Variants in ANKFN1 observed in about 807,000 individuals in gnomAD.
The protein encoded by ANKFN1 is ankyrin repeat and fibronectin type III domain containing 1, also known as ankyrin repeat and fibronectin type-III domain-containing protein 1.
ANKFN1 carries 74 observed loss-of-function variants against 108.7 expected under a neutral mutation model. The observed-to-expected ratio is 0.68, with a 90% CI of 0.56 to 0.83. The LOEUF (loss-of-function observed/expected upper bound fraction) is 0.83. ANKFN1 is among the 40% of genes least tolerant of loss of function. ANKFN1 has a pLI of 0.00. For missense variants in ANKFN1, 1,505 were observed against 1,382.3 expected (o/e 1.09, Z -1.41); for synonymous variants, 547 against 516.2 (o/e 1.06, Z -0.81).
chr17:56,482,521 C>T lies in ANKFN1; in HGVS notation c.2257C>T (p.Leu753Phe). 6.2e-7 allele frequency: 1 copy of T among 1,612,602 alleles called. No individual in the cohort carries two copies. The highest frequency in any genetic ancestry group is 2.2e-5 in the East Asian group (1 of 44,856). The change falls in exon 18 of 21, where the codon CTT (leucine) becomes TTT (phenylalanine). Residue 753 changes from leucine to phenylalanine, a missense_variant. By Grantham distance (22) the Leu-to-Phe change is conservative (BLOSUM62 0). Transcript: ENST00000682825. ...TAACCTCCCTCTTCAGATGTTTGAA[C>T]TTGGTATAGTAGCTTGTTTCACCTA... is the stretch of plus-strand genomic sequence containing the variant. ...FLNLPLQMFE[L>F]VHFCSYREKF...
rs1053797239 is a variant in ANKFN1, at chr17:56,390,156, C to G, written c.910+15442C>G. Among the ~76,000 whole-genome samples the G allele has an allele frequency of 1.3e-5, 2 of 152,086 alleles. 1 individual carries two copies. The highest frequency in any genetic ancestry group is 4.2e-4 in the South Asian group (2 of 4,812). On this transcript the variant is annotated intron_variant, in intron 8 of 20. Coordinates refer to ENST00000682825, the MANE Select transcript of ANKFN1 (RefSeq NM_001370326.1). ...CAGCCCATCATCTAGGTTTTAAGCC[C>G]CACATGCATTACGTATTTGTCCTAT...
rs925597451 is a variant in ANKFN1 at position 56,405,331 on chromosome 17, T to A, written c.910+30617T>A. 2.6e-5 allele frequency among the ~76,000 whole-genome samples: 4 copies of A among 152,210 alleles called. No individual in the cohort carries two copies. In the East Asian group the frequency reaches 5.8e-4, roughly 22 times the overall value. On this transcript the variant is annotated intron_variant, in intron 8 of 20. Transcript: ENST00000682825. ...GCAAGAAATGCAACCTAAAACTAAC[T>A]TGAGGTATCACTTTTCACCTTTCAG... is the stretch of plus-strand genomic sequence containing the variant.
chr17:56,290,009 G>T (rs1224035691), intron 3 of ANKFN1, among the ~76,000 whole-genome samples: 3 of 152,124 alleles, frequency 2.0e-5, no homozygotes, highest in Non-Finnish European at 4.4e-5. Flanking sequence ...TAATCATGCT[G>T]CTAGTTAGTT....
At chr17:56,448,605 A>G (rs1317621052) in intron 10 of ANKFN1, among the ~76,000 whole-genome samples, 2 of 152,136 alleles carry the variant, frequency 1.3e-5, no homozygotes, top group African/African-American at 4.8e-5. Flanking sequence ...AGAAATGTCA[A>G]TTTGGCCAAA....
At position 56,457,929 on chromosome 17, in the gene ANKFN1, A is replaced by G; in HGVS notation, c.1507A>G (p.Thr503Ala). The G allele has an allele frequency of 1.2e-6, 2 of 1,614,086 alleles. No homozygotes were observed. The highest frequency in any genetic ancestry group is 1.7e-6 in the Non-Finnish European group (2 of 1,179,996). Residue 503 changes from threonine to alanine, a missense_variant, in exon 14 of 21, where the codon ACA becomes GCA. Thr to Ala is a moderately conservative substitution (Grantham distance 58, BLOSUM62 0). Coordinates refer to ENST00000682825, the MANE Select transcript of ANKFN1 (RefSeq NM_001370326.1). ...CATACCAATATCCTCATCCTCATCC[A>G]CAGTGCTGCAAACTCGGCAGAAGAT... ...QSIPISSSSS[T>A]VLQTRQKMLA...
chr17:56,482,167 C>A (rs907304851), intron 17 of ANKFN1, among the ~76,000 whole-genome samples, 189 bp from the exon 18 acceptor site: 50 of 152,160 alleles, frequency 3.3e-4, no homozygotes, highest in African/African-American at 1.2e-3. Context: ...TTATGTGGAA[C>A]ATTACTGCCT....
chr17:56,274,286 A>G (rs1433532305), intron 3 of ANKFN1, among the ~76,000 whole-genome samples: 2 of 152,164 alleles, frequency 1.3e-5, no homozygotes, highest in South Asian at 2.1e-4. Context: ...ATCCTGGCTA[A>G]CATGGTGAAA....
chr17:56,076,723 A>G (rs949479307), intron 4 of ANKFN1, among the ~76,000 whole-genome samples: 18 of 152,322 alleles, frequency 1.2e-4, no homozygotes, highest in African/African-American at 4.3e-4. Context: ...TAACTTTTGT[A>G]ATGCAACCAG....
chr17:56,087,982 C>CTG lies in ANKFN1; in HGVS notation c.288+41667_288+41668dup, dbSNP rs1161997890. The stretch of plus-strand genomic sequence containing the variant: ...TGTGTATGTGTTTGTGTGTGTGTGT[C>CTG]TGTGTGTGTGTACATTTTACTGAGA... On this transcript the variant is annotated intron_variant, in intron 4 of 12. Transcript: ENST00000635860. Among the ~76,000 whole-genome samples the CTG allele has an allele frequency of 8.0e-5, 12 of 150,612 alleles. No homozygotes were observed. The East Asian group carries it at 1.2e-3, about 15-fold the overall frequency.
At chr17:56,207,647 A>G (rs1301720188) in intron 1 of ANKFN1, among the ~76,000 whole-genome samples, 1 of 151,526 alleles carries the variant, frequency 6.6e-6, no homozygotes, top group Non-Finnish European at 1.5e-5. Flanking sequence ...TTTCAGACAA[A>G]CTCAGCTGTT....
rs552343548 is a variant in ANKFN1, at chr17:56,394,522, G to A, written c.910+19808G>A. On this transcript the variant is annotated intron_variant, in intron 8 of 20. Coordinates refer to ENST00000682825, the MANE Select transcript of ANKFN1 (RefSeq NM_001370326.1). ...GCCTGCCAGTGGAGATTTAACAGTG[G>A]AGTAGTGCATAGTGACTTGCCAAGT... 1.8e-3 allele frequency among the ~76,000 whole-genome samples: 276 copies of A among 152,242 alleles called. 2 individuals carry two copies. The highest frequency in any genetic ancestry group is 3.0e-3 in the Non-Finnish European group (204 of 68,018).
intron 10 of ANKFN1, among the ~76,000 whole-genome samples, 183 bp from the exon 11 acceptor site, chr17:56,448,896 C>A (rs900551405): frequency 1.3e-5 from 2 of 152,172 alleles, no homozygotes; most frequent in African/African-American, 4.8e-5. Context: ...TACTGTTTTG[C>A]ACAGAGCTCT....
intron 7 of ANKFN1, among the ~76,000 whole-genome samples, chr17:56,374,391 G>GAAAATGT (rs1318577771): frequency 1.3e-5 from 2 of 152,142 alleles, no homozygotes; most frequent in Non-Finnish European, 2.9e-5. Flanking sequence ...TACCTTTTCA[G>GAAAATGT]AAAATGTTCT....
At chr17:56,105,313 G>A (rs1227934788) in intron 4 of ANKFN1, among the ~76,000 whole-genome samples, 3 of 152,088 alleles carry the variant, frequency 2.0e-5, no homozygotes, top group African/African-American at 7.2e-5. Context: ...CAGAGGACGA[G>A]GTGGAATGCA....
intron 4 of ANKFN1, among the ~76,000 whole-genome samples, chr17:56,072,620 A>G (rs1208383478): frequency 6.6e-6 from 1 of 152,176 alleles, no homozygotes; most frequent in Admixed American, 6.5e-5. Context: ...TATATGAAAT[A>G]TATGTACTCT....
At chr17:56,203,632 T>C (rs1399100585) in intron 1 of ANKFN1, among the ~76,000 whole-genome samples, 1 of 152,214 alleles carries the variant, frequency 6.6e-6, no homozygotes, top group Non-Finnish European at 1.5e-5. Context: ...ATGAATGAGC[T>C]GTCAAGGAAG....
chr17:56,440,372 T>A lies in ANKFN1; in HGVS notation c.956T>A (p.Ile319Asn). 2.5e-6 allele frequency: 4 copies of A among 1,612,896 alleles called. No homozygotes were observed. Among genetic ancestry groups the A allele is most frequent in the Non-Finnish European group, 3.4e-6 (4 of 1,179,222 alleles). Residue 319 changes from isoleucine (I) to asparagine (N), a missense_variant, in exon 9 of 21, where the codon ATC (isoleucine) becomes AAC (asparagine). Transcript: ENST00000682825. Reference sequence around the variant, plus strand: ...GACTTTTCTCCTTTGGCTGGAGAAATCATCATGGATAATCTGCAGACTCTG... The same window carrying A: ...GACTTTTCTCCTTTGGCTGGAGAAAACATCATGGATAATCTGCAGACTCTG... ...SEDFSPLAGE[I>N]IMDNLQTLRC...
intron 4 of ANKFN1, among the ~76,000 whole-genome samples, chr17:56,339,087 TG>T (rs1316290178): frequency 6.6e-6 from 1 of 152,170 alleles, no homozygotes; most frequent in Non-Finnish European, 1.5e-5. Context: ...TTGTATTTTC[TG>T]AAAATTAGTT....
chr17:56,450,005 G>A (rs936432198), intron 11 of ANKFN1, among the ~76,000 whole-genome samples: 3 of 152,184 alleles, frequency 2.0e-5, no homozygotes, highest in Admixed American at 6.6e-5. Context: ...TCTGTGTAAC[G>A]ATTCGTGGAA....
Sources: allele counts gnomAD v4.1 joint callset (sites outside exome capture counted in the v4.1 genomes callset), GRCh38; gene constraint gnomAD v4.1.1; transcripts MANE v1.5; gene names NCBI Gene and HGNC (gene_info 2026-07-23, HGNC 2026-07-21).